MYO15B: variants seen among roughly 807,000 people sequenced by gnomAD.
MYO15B encodes the protein myosin XVB.
Under a neutral mutation model 119.3 loss-of-function variants are expected in MYO15B, and 207 were observed. The observed-to-expected ratio is 1.73, with a 90% CI of 1.55 to 1.95. The LOEUF (loss-of-function observed/expected upper bound fraction) is 1.95, where lower values mean the gene tolerates loss of function less well. MYO15B is among the 30% of genes most tolerant of loss of function. The pLI, the probability that MYO15B is intolerant of heterozygous loss-of-function variation, is 0.00. For missense variants in MYO15B, 2,264 were observed against 1,203.1 expected (o/e 1.88, Z -13.04); for synonymous variants, 966 against 498.9 (o/e 1.94, Z -12.48).
At chr17:75,606,006 G>A (rs959512013) in exon 21 of MYO15B, 20 of 698,766 alleles carry the variant, frequency 2.9e-5, no homozygotes, top group East Asian at 5.4e-5. Context: ...GCTCGCATGC[G>A]TGGGTTCCAG....
At chr17:75,599,367 CG>C (rs1450989196) in intron 14 of MYO15B, among the ~76,000 whole-genome samples, 2 of 151,996 alleles carry the variant, frequency 1.3e-5, no homozygotes, top group Non-Finnish European at 2.9e-5. Flanking sequence ...CTCCGCCTCG[CG>C]GGTTGACGCC....
chr17:75,625,917 C>A (rs770517780), exon 62 of MYO15B: 1 of 702,670 alleles, frequency 1.4e-6, no homozygotes, highest in Non-Finnish European at 2.6e-6. Flanking sequence ...AGGCCCTGTC[C>A]GGACCCACTC....
At chr17:75,613,097 G>A (rs1478969895) in exon 27 of MYO15B, 1 of 702,704 alleles carries the variant, frequency 1.4e-6, no homozygotes, top group Admixed American at 2.0e-5. Flanking sequence ...CCAGCTGGTG[G>A]CCCAGCTATG....
At position 75,611,998 on chromosome 17, in the gene MYO15B, C is replaced by T. The variant is rs1429056724; in HGVS notation, c.4617C>T (p.Phe1539=). 5.5e-5 allele frequency: 39 copies of T among 702,912 alleles called. No homozygotes were observed. In the Admixed American group the frequency reaches 6.6e-4, roughly 12 times the overall value. The allele number at this position is 702,912 out of a possible 1,614,324, so 43.5% of individuals were successfully genotyped here. ...TTGACCTGTTCCCTTTCTCCAGCTT[C>T]GTCGCCATCGGCTTTCAGGTGGGCG... is the stretch of plus-strand genomic sequence containing the variant. The change falls in exon 25 of 64, where the codon TTC becomes TTT. Residue 1539 remains phenylalanine, a synonymous_variant. Transcript: ENST00000645453.
chr17:75,619,386 C>G, exon 45 of MYO15B: 1 of 702,690 alleles, frequency 1.4e-6, no homozygotes, highest in Admixed American at 2.0e-5. Context: ...TGGATTCTCT[C>G]ACCACCACCG....
chr17:75,614,479 C>G (rs1349927943), intron 30 of MYO15B, 104 bp from the exon 31 acceptor site: 1 of 665,046 alleles, frequency 1.5e-6, no homozygotes, highest in African/African-American at 1.8e-5. Flanking sequence ...CACCCAGCCT[C>G]CTCCCAACCA....
chr17:75,593,567 G>A (rs1444938647), intron 9 of MYO15B, among the ~76,000 whole-genome samples: 3 of 150,986 alleles, frequency 2.0e-5, no homozygotes, highest in Middle Eastern at 3.4e-3. Context: ...CTGAGGTTGC[G>A]CCACTGTACT....
At position 75,614,817 on chromosome 17, in the gene MYO15B, A is replaced by C. The variant is rs886120437; in HGVS notation, c.5527A>C (p.Ile1843Leu). 5 of 702,658 alleles carry C rather than the reference A, an allele frequency of 7.1e-6. No individual in the cohort carries two copies. The African/African-American group carries it at 8.7e-5, about 12-fold the overall frequency. The allele number at this position is 702,658 out of a possible 1,614,324, so 43.5% of individuals were successfully genotyped here. A position where few individuals can be genotyped will look rare whatever the true frequency, so the allele number is the denominator to read the frequency against. ...GAGCCTGGACGGCTTCCTGGACCAG[A>C]TCTTCCAGCCAGTGATATCCTCCGG... Residue 1843 changes from isoleucine to leucine, a missense_variant, in exon 32 of 64, where the codon ATC (isoleucine) becomes CTC (leucine). By Grantham distance (5) the Ile-to-Leu change is conservative. Coordinates refer to ENST00000645453, the Ensembl canonical transcript of MYO15B.
intron 38 of MYO15B, 32 bp from the exon 39 acceptor site, chr17:75,616,492 G>C: frequency 1.5e-6 from 1 of 683,738 alleles, no homozygotes; most frequent in Non-Finnish European, 2.7e-6. Context: ...GGCTCTGCAC[G>C]CGGTTAACAG....
Position 75,625,826 on chromosome 17 carries a change from C to A in MYO15B, c.8939-18C>A. On this transcript the variant is annotated intron_variant, in intron 61 of 63. Transcript: ENST00000645453. ...CCCCAGCAGTCAGATTTCCTGCCTG[C>A]ACCCTCTCCACCCGCAGAGGCCATG... is the stretch of plus-strand genomic sequence containing the variant. The A allele has an allele frequency of 1.4e-6, 1 of 702,400 alleles. No homozygotes were observed. The highest frequency in any genetic ancestry group is 2.7e-5 in the East Asian group (1 of 37,280). The allele number at this position is 702,400 out of a possible 1,614,324, so 43.5% of individuals were successfully genotyped here. A position where few individuals can be genotyped will look rare whatever the true frequency, so the allele number is the denominator to read the frequency against.
chr17:75,624,113 G>C (rs747868657), intron 55 of MYO15B, 49 bp downstream of exon 55: 197 of 702,646 alleles, frequency 2.8e-4, no homozygotes, highest in Non-Finnish European at 3.8e-4. Flanking sequence ...TTCTAGGACT[G>C]GGAACTTGGT....
chr17:75,605,723 A>T, intron 20 of MYO15B, 102 bp downstream of exon 20: 1 of 673,840 alleles, frequency 1.5e-6, no homozygotes, highest in Non-Finnish European at 2.7e-6. Flanking sequence ...GATCCATCCA[A>T]GTGGTGGGAG....
chr17:75,605,665 A>G, intron 20 of MYO15B, 44 bp downstream of exon 20: 1 of 699,040 alleles, frequency 1.4e-6, no homozygotes, highest in Non-Finnish European at 2.6e-6. Context: ...CATGAATGGG[A>G]AAGGAGAGGT....
chr17:75,588,110 C>G, exon 1 of MYO15B: 2 of 398,302 alleles, frequency 5.0e-6, no homozygotes, highest in Non-Finnish European at 8.9e-6. Context: ...CCCGGGAGGC[C>G]GGCCTCAGGG....
intron 21 of MYO15B, among the ~76,000 whole-genome samples, chr17:75,609,485 ATTTTTTTTTT>A (rs749247022): frequency 4.1e-4 from 32 of 78,002 alleles, no homozygotes; most frequent in African/African-American, 1.5e-3. Context: ...AAGGGAAATG[ATTTTTTTTTT>A]TTTTTTTTTT....
exon 45 of MYO15B, chr17:75,619,419 CGTG>C: frequency 1.4e-6 from 1 of 702,700 alleles, no homozygotes; most frequent in Non-Finnish European, 2.6e-6. Flanking sequence ...AGAAGCGCAT[CGTG>C]GTGGCCGCTC....
chr17:75,613,438 G>A (rs1358302052), exon 28 of MYO15B: 2 of 681,342 alleles, frequency 2.9e-6, no homozygotes, highest in South Asian at 1.5e-5. Context: ...ATGGCGGCGG[G>A]GCCGCATGGC....
chr17:75,617,829 G>A (rs753304858), exon 42 of MYO15B: 2 of 702,768 alleles, frequency 2.8e-6, no homozygotes, highest in South Asian at 3.0e-5. Flanking sequence ...AGCCCGTGGA[G>A]GACCAGGGGG....
At position 75,613,490 on chromosome 17, in the gene MYO15B, T is replaced by C. The variant is rs2058159130; in HGVS notation, c.5146+19T>C. On this transcript the variant is annotated intron_variant, in intron 28 of 63. Coordinates refer to ENST00000645453, the Ensembl canonical transcript of MYO15B. ...TTCAGCGGTGAGGGCTGCCTCTGGC[T>C]GAGGCCTCCCAGGCCTGAAGTGGGG... The C allele has an allele frequency of 3.0e-6, 2 of 669,156 alleles. No homozygotes were observed. Among genetic ancestry groups the C allele is most frequent in the South Asian group, 1.6e-5 (1 of 62,746 alleles). 41.5% of individuals were successfully genotyped at this position (669,156 alleles called of 1,614,324 possible).
Sources: allele counts gnomAD v4.1 joint callset (sites outside exome capture counted in the v4.1 genomes callset), GRCh38; gene constraint gnomAD v4.1.1; transcripts MANE v1.5; gene names NCBI Gene and HGNC (gene_info 2026-07-23, HGNC 2026-07-21).